The following PRKN variants were observed in gnomAD, a reference collection of about 807,000 sequenced individuals.
PRKN encodes E3 ubiquitin-protein ligase parkin.
Under a neutral mutation model 59.5 loss-of-function variants are expected in PRKN, and 56 were observed. The ratio of observed to expected loss-of-function variants is 0.94; its 90% CI spans 0.76 to 1.18. PRKN has a LOEUF of 1.18. Ranked by LOEUF, PRKN falls within the 50% of genes most tolerant of loss-of-function variation. The probability of loss-of-function intolerance (pLI) is 0.00; values close to 1 mark genes in which losing one functional copy is unlikely to be tolerated. For missense variants in PRKN, 657 were observed against 596.4 expected (o/e 1.10, Z -1.06); for synonymous variants, 250 against 222.1 (o/e 1.13, Z -1.12).
chr6:161,426,213 C>T (rs758642063), intron 9 of PRKN, among the ~76,000 whole-genome samples: 3 of 152,098 alleles, frequency 2.0e-5, no homozygotes, highest in Non-Finnish European at 2.9e-5. Context: ...CCCAAAGGGG[C>T]GTGCTGAAGT....
intron 2 of PRKN, among the ~76,000 whole-genome samples, chr6:162,303,455 A>T (rs967751896): frequency 5.3e-5 from 8 of 152,166 alleles, no homozygotes; most frequent in Admixed American, 1.3e-4. Flanking sequence ...CCTCTCCATC[A>T]ATCCAAACCT....
At chr6:162,226,097 T>A (rs74602221) in intron 3 of PRKN, among the ~76,000 whole-genome samples, 2 of 60,646 alleles carry the variant, frequency 3.3e-5, no homozygotes, top group African/African-American at 9.6e-5. Context: ...ATAATAATAA[T>A]AAAATTAGAT....
In PRKN at chr6:162,012,116, G is replaced by T. The variant is rs536175850; in HGVS notation, c.619-38699C>A. Among the ~76,000 whole-genome samples the T allele has an allele frequency of 2.6e-5, 4 of 152,042 alleles. No homozygotes were observed. The South Asian group carries it at 8.3e-4, about 31-fold the overall frequency. ...CTTTCCTTTGATCACGTCATCCTGCGGAGATGAGAAATCGTTTAACCATGA... is the reference window on the plus strand; with the variant it reads ...CTTTCCTTTGATCACGTCATCCTGCTGAGATGAGAAATCGTTTAACCATGA... On this transcript the variant is annotated intron_variant, in intron 5 of 11. Transcript: ENST00000366898.
chr6:161,926,717 G>A lies in PRKN; in HGVS notation c.734+46585C>T, dbSNP rs556298674. ...TGGTTGCACTCTAGTTGCAGTCTAA[G>A]AAACAGGTGAAAGAGCATATTTTAA... On this transcript the variant is annotated intron_variant, in intron 6 of 11. Coordinates refer to ENST00000366898, the MANE Select transcript of PRKN (RefSeq NM_004562.3). Among the ~76,000 whole-genome samples the A allele has an allele frequency of 2.0e-5, 3 of 152,282 alleles. No homozygotes were observed. In the East Asian group the frequency reaches 5.8e-4, roughly 29 times the overall value.
chr6:161,481,763 A>G (rs545142154), intron 9 of PRKN, among the ~76,000 whole-genome samples: 32 of 152,284 alleles, frequency 2.1e-4, no homozygotes, highest in African/African-American at 7.2e-4. Context: ...ACTCTGTTTG[A>G]GCACTTTATT....
chr6:161,783,990 T>G (rs1002903352), intron 7 of PRKN, among the ~76,000 whole-genome samples: 4 of 152,198 alleles, frequency 2.6e-5, no homozygotes, highest in African/African-American at 9.6e-5. Flanking sequence ...TAAAACTAAA[T>G]CTTGAAATAA....
rs1468705876 is a variant in PRKN at position 161,530,307 on chromosome 6, C to T, written c.1083+18547G>A. ...GGTTCAATATAAAAGTATCATTCCC[C>T]ACCCAGACCTGTCCCAGTGTCTAGG... On this transcript the variant is annotated intron_variant, in intron 9 of 11. Coordinates refer to ENST00000366898, the MANE Select transcript of PRKN (RefSeq NM_004562.3). This position sits in a 1 kb window ranked among gnomAD's most constrained non-coding sequence, Gnocchi z 5.0. 2.0e-5 allele frequency among the ~76,000 whole-genome samples: 3 copies of T among 152,178 alleles called. No homozygotes were observed. Among genetic ancestry groups the T allele is most frequent in the Non-Finnish European group, 4.4e-5 (3 of 68,032 alleles).
At position 162,123,165 on chromosome 6, in the gene PRKN, A is replaced by G. The variant is rs576527116; in HGVS notation, c.535-68991T>C. Among the ~76,000 whole-genome samples, 6 of 152,258 alleles carry G rather than the reference A, an allele frequency of 3.9e-5. No homozygotes were observed. In the East Asian group the frequency reaches 1.2e-3, roughly 29 times the overall value. ...CTACTACACAGTAGTGAGGGAGAGA[A>G]ATGGATCTCATTTACAGGGGAATTC... On this transcript the variant is annotated intron_variant, in intron 4 of 11. Transcript: ENST00000366898.
intron 6 of PRKN, among the ~76,000 whole-genome samples, chr6:161,931,378 C>A (rs966712654): frequency 7.2e-5 from 11 of 152,106 alleles, no homozygotes; most frequent in Admixed American, 7.2e-4. Flanking sequence ...GTAGAGGTTG[C>A]AGTGAGCAGA....
chr6:161,541,811 A>G (rs565049271), intron 9 of PRKN, among the ~76,000 whole-genome samples: 1 of 151,554 alleles, frequency 6.6e-6, no homozygotes, highest in African/African-American at 2.4e-5. Flanking sequence ...ACAGAGCGAG[A>G]CTCCGTCTCA....
rs780996466 is a variant in PRKN at position 161,548,881 on chromosome 6, G to C, written c.1056C>G (p.Cys352Trp). The C allele has an allele frequency of 6.2e-7, 1 of 1,614,128 alleles. No individual in the cohort carries two copies. Residue 352 changes from cysteine to tryptophan, a missense_variant, in exon 9 of 12, where the codon TGC becomes TGG. Physicochemically the swap from Cys to Trp is radical, Grantham distance 215 (BLOSUM62 -2). Coordinates refer to ENST00000366898, the MANE Select transcript of PRKN (RefSeq NM_004562.3). The surrounding 1 kb of genome is among the most constrained non-coding windows in gnomAD (Gnocchi z 4.2). The stretch of plus-strand genomic sequence containing the variant: ...CACAGCCCAGGCCATTGCCCCCTTC[G>C]CAGGTGACTTTCCTCTGGTCAGGCT... The part of the protein sequence containing the change: ...LPEPDQRKVT[C>W]EGGNGLGCGF...
chr6:162,395,974 T>C (rs989006467), intron 2 of PRKN, among the ~76,000 whole-genome samples: 1 of 152,244 alleles, frequency 6.6e-6, no homozygotes, highest in African/African-American at 2.4e-5. Context: ...GCACCTTTTC[T>C]GGTATACAGT....
chr6:162,367,746 C>T (rs1018810213), intron 2 of PRKN, among the ~76,000 whole-genome samples: 3 of 151,752 alleles, frequency 2.0e-5, no homozygotes, highest in African/African-American at 7.3e-5. Flanking sequence ...AAATCTGTTA[C>T]AAAATGTTAG....
chr6:162,400,107 T>C lies in PRKN; in HGVS notation c.171+43203A>G, dbSNP rs111868566. Among the ~76,000 whole-genome samples, 15 of 152,110 alleles carry C rather than the reference T, an allele frequency of 9.9e-5. 1 individual carries two copies. The highest frequency in any genetic ancestry group is 2.9e-4 in the African/African-American group (12 of 41,520). On this transcript the variant is annotated intron_variant, in intron 2 of 11. Coordinates refer to ENST00000366898, the MANE Select transcript of PRKN (RefSeq NM_004562.3). ...CTGTAATCCCAGCTACTTGGGAGGC[T>C]GAGGCAGGAGAATTGCTTGAACCTG...
chr6:162,151,770 T>C (rs1186151105), intron 4 of PRKN, among the ~76,000 whole-genome samples: 4 of 152,160 alleles, frequency 2.6e-5, no homozygotes, highest in African/African-American at 7.2e-5. Context: ...GTTATAAAGA[T>C]AAAAATATCT....
chr6:161,617,702 A>C (rs983418657), intron 7 of PRKN, among the ~76,000 whole-genome samples: 3 of 152,222 alleles, frequency 2.0e-5, no homozygotes. Context: ...TCTCATATCC[A>C]ACATAAGTGG....
At chr6:161,528,984 A>G (rs758966463) in intron 9 of PRKN, among the ~76,000 whole-genome samples, 6 of 152,176 alleles carry the variant, frequency 3.9e-5, no homozygotes, top group Non-Finnish European at 7.3e-5. Context: ...GAAGGCAGGA[A>G]TCCTGCTTTG....
intron 1 of PRKN, among the ~76,000 whole-genome samples, chr6:162,662,415 TTTTAG>T (rs1778922420): frequency 6.6e-6 from 1 of 152,116 alleles, no homozygotes; most frequent in Non-Finnish European, 1.5e-5. Context: ...AGAAGAAGCT[TTTTAG>T]TTTAATTAAG....
intron 7 of PRKN, among the ~76,000 whole-genome samples, chr6:161,758,675 A>C (rs1789055125): frequency 6.6e-6 from 1 of 152,216 alleles, no homozygotes; most frequent in Non-Finnish European, 1.5e-5. Context: ...GCTGTTAAAA[A>C]CAATATAAAC....
Sources: allele counts gnomAD v4.1 joint callset (sites outside exome capture counted in the v4.1 genomes callset), GRCh38; gene constraint gnomAD v4.1.1; non-coding constraint Gnocchi (gnomAD v3.1); transcripts MANE v1.5; gene names NCBI Gene and HGNC (gene_info 2026-07-23, HGNC 2026-07-21).